PCDHA7: variants seen among roughly 807,000 people sequenced by gnomAD.
PCDHA7 encodes the protein protocadherin alpha 7.
Under a neutral mutation model 57.2 loss-of-function variants are expected in PCDHA7, and 37 were observed. That is an observed-to-expected ratio of 0.65 (90% CI 0.50 to 0.85). The LOEUF (loss-of-function observed/expected upper bound fraction) is 0.85, where lower values mean the gene tolerates loss of function less well. PCDHA7 is among the 40% of genes least tolerant of loss of function. PCDHA7 has a pLI of 0.00. For synonymous variants in PCDHA7, 553 were observed against 558.8 expected, an observed-to-expected ratio of 0.99 and a Z score of 0.15; for missense variants, 1,188 against 1,241.8, an observed-to-expected ratio of 0.96 and a Z score of 0.65.
chr5:140,988,558 T>C lies in PCDHA7; in HGVS notation c.2503+5995T>C, dbSNP rs982984587. ...CCATTCATGACTTTCTTCATCTTCT[T>C]CTTGGGAAAACACTCTGTACCTTCC... On this transcript the variant is annotated intron_variant, in intron 3 of 3. Transcript: ENST00000525929. 3.9e-5 allele frequency among the ~76,000 whole-genome samples: 6 copies of C among 152,198 alleles called. 1 individual carries two copies. Among genetic ancestry groups the C allele is most frequent in the Admixed American group, 3.9e-4 (6 of 15,276 alleles).
At chr5:140,884,689 T>C (rs1290961484) in intron 1 of PCDHA7, 11 of 1,534,282 alleles carry the variant, frequency 7.2e-6, no homozygotes, top group Non-Finnish European at 9.6e-6. Flanking sequence ...AAAAATTGTC[T>C]TAGTAAACAC....
intron 1 of PCDHA7, 162 bp downstream of exon 1, chr5:140,836,900 T>C: frequency 3.4e-6 from 2 of 592,540 alleles, no homozygotes; most frequent in Non-Finnish European, 5.6e-6. Context: ...GAAGTACGTT[T>C]AATATACACT....
chr5:140,875,987 TA>T (rs1165213326), intron 1 of PCDHA7: 1 of 1,613,914 alleles, frequency 6.2e-7, no homozygotes, highest in East Asian at 2.2e-5. Context: ...ACCTATGCGT[TA>T]AGTCTAAATG....
intron 1 of PCDHA7, among the ~76,000 whole-genome samples, chr5:140,942,139 A>G (rs1211983428): frequency 6.6e-6 from 1 of 152,248 alleles, no homozygotes; most frequent in African/African-American, 2.4e-5. Flanking sequence ...TTGTGGCTTT[A>G]CTTGACATAA....
chr5:140,858,159 C>T lies in PCDHA7; in HGVS notation c.2355+21421C>T, dbSNP rs782574934. The T allele has an allele frequency of 3.8e-6, 6 of 1,597,644 alleles. No homozygotes were observed. In the Admixed American group the frequency reaches 5.1e-5, roughly 13 times the overall value. On this transcript the variant is annotated intron_variant, in intron 1 of 3. Coordinates refer to ENST00000525929, the MANE Select transcript of PCDHA7 (RefSeq NM_018910.3). ...GTGTACCTGATCATCGCCATCTGCG[C>T]GGTGTCCAGCTTGCTGGTGCTCACG...
chr5:140,999,537 C>G, intron 3 of PCDHA7, among the ~76,000 whole-genome samples: 1 of 152,266 alleles, frequency 6.6e-6, no homozygotes, highest in Non-Finnish European at 1.5e-5. Context: ...CTGGATATGA[C>G]AGCCAATGAA....
chr5:140,841,818 C>G, intron 1 of PCDHA7: 1 of 1,613,912 alleles, frequency 6.2e-7, no homozygotes, highest in African/African-American at 1.3e-5. Context: ...GGAGCTAACT[C>G]CGTGTTAACC....
chr5:140,927,825 GGCGAGGGA>G (rs782044178), intron 1 of PCDHA7: 1 of 1,614,098 alleles, frequency 6.2e-7, no homozygotes, highest in Non-Finnish European at 8.5e-7. Context: ...CATACATTGA[GGCGAGGGA>G]CGAAGGTGTC....
In PCDHA7 at chr5:140,842,698, G is replaced by C. The variant is rs2150342332; in HGVS notation, c.2355+5960G>C. On this transcript the variant is annotated intron_variant, in intron 1 of 3. Transcript: ENST00000525929. ...ATGCTCCGGCGTTCGCGCAGCCCGA[G>C]TACACGGTGTTCGTGAAGGAGAACA... The C allele has an allele frequency of 9.4e-6, 15 of 1,595,366 alleles. 2 individuals carry two copies. The highest frequency in any genetic ancestry group is 4.3e-6 in the Non-Finnish European group (5 of 1,165,528).
intron 1 of PCDHA7, among the ~76,000 whole-genome samples, chr5:140,908,899 C>CT (rs1382483322): frequency 6.6e-6 from 1 of 152,194 alleles, no homozygotes; most frequent in Non-Finnish European, 1.5e-5. Flanking sequence ...AAATAAGCCT[C>CT]TTTCGTGGTT....
At position 140,841,885 on chromosome 5, in the gene PCDHA7, G is replaced by A. The variant is rs2150324724; in HGVS notation, c.2355+5147G>A. The A allele has an allele frequency of 1.5e-5, 24 of 1,613,684 alleles. 1 individual carries two copies. In the African/African-American group the frequency reaches 2.7e-4, roughly 18 times the overall value. On this transcript the variant is annotated intron_variant, in intron 1 of 3. Coordinates refer to ENST00000525929, the MANE Select transcript of PCDHA7 (RefSeq NM_018910.3). ...TAGATGTGAATTCAAAGAACGATGA[G>A]AATAAACTGGTTGAGCTCGTATTAA...
In PCDHA7 at chr5:140,966,814, C is replaced by G. The variant is rs782787958; in HGVS notation, c.2356-12135C>G. 4.5e-6 allele frequency: 7 copies of G among 1,552,328 alleles called. No individual in the cohort carries two copies. The East Asian group carries it at 1.2e-4, about 27-fold the overall frequency. On this transcript the variant is annotated intron_variant, in intron 1 of 3. Coordinates refer to ENST00000525929, the MANE Select transcript of PCDHA7 (RefSeq NM_018910.3). The stretch of plus-strand genomic sequence containing the variant: ...CTGCGGCGACAGAGCATCCACGGCT[C>G]CGGCGGCCCATGCCCTGGCTGCTGC...
At chr5:140,864,854 A>T (rs1554159169) in intron 1 of PCDHA7, 1 of 152,178 alleles carries the variant, frequency 6.6e-6, no homozygotes, top group Non-Finnish European at 1.5e-5. Context: ...CCCATACATG[A>T]TGAAGGGTGA....
chr5:140,853,533 T>C (rs2042784288), intron 1 of PCDHA7: 2 of 979,954 alleles, frequency 2.0e-6, no homozygotes, highest in African/African-American at 3.5e-5. Context: ...TATGTCTCTT[T>C]TCAAGTTGTA....
chr5:140,856,705 T>C lies in PCDHA7; in HGVS notation c.2355+19967T>C, dbSNP rs1180012715. 2.5e-6 allele frequency: 4 copies of C among 1,596,614 alleles called. No homozygotes were observed. The African/African-American group carries it at 5.4e-5, about 22-fold the overall frequency. ...TGACAGCAACTGATGGAGGCAAACC[T>C]GAATTTACCGGATCTGTTTCTCTGC... On this transcript the variant is annotated intron_variant, in intron 1 of 3. Transcript: ENST00000525929.
intron 1 of PCDHA7, chr5:140,850,369 G>A (rs2041555140): frequency 1.3e-6 from 2 of 1,597,806 alleles, no homozygotes; most frequent in Admixed American, 1.7e-5. Context: ...TTCCGCGTGG[G>A]GCTGTACACG....
chr5:140,933,211 CTG>C (rs1491057503), intron 1 of PCDHA7, among the ~76,000 whole-genome samples: 2 of 151,532 alleles, frequency 1.3e-5, no homozygotes, highest in Non-Finnish European at 3.0e-5. Context: ...AATTACATGT[CTG>C]TTATATTGCA....
chr5:140,881,491 C>A (rs1476916826), intron 1 of PCDHA7: 2 of 285,934 alleles, frequency 7.0e-6, no homozygotes, highest in Non-Finnish European at 1.1e-5. Flanking sequence ...TGTGTTTATG[C>A]ACATACACAC....
At chr5:140,855,479 C>T (rs782343023) in intron 1 of PCDHA7, among the ~76,000 whole-genome samples, 3 of 149,758 alleles carry the variant, frequency 2.0e-5, no homozygotes, top group Non-Finnish European at 3.0e-5. Context: ...TGATGCTTGA[C>T]ATTAGTGTCT....
Sources: allele counts gnomAD v4.1 joint callset (sites outside exome capture counted in the v4.1 genomes callset), GRCh38; gene constraint gnomAD v4.1.1; transcripts MANE v1.5; gene names NCBI Gene and HGNC (gene_info 2026-07-23, HGNC 2026-07-21).